JDP2: variants seen among roughly 807,000 people sequenced by gnomAD.
JDP2 encodes the protein Jun dimerization protein 2.
Under a neutral mutation model 17.1 loss-of-function variants are expected in JDP2, and 9 were observed. The ratio of observed to expected loss-of-function variants is 0.53; its 90% confidence interval spans 0.32 to 0.92. The LOEUF (loss-of-function observed/expected upper bound fraction) is 0.92. Ranked by LOEUF, JDP2 falls within the 40% of genes least tolerant of loss-of-function variation. The pLI is 0.04. For synonymous variants in JDP2, 107 were observed against 95.6 expected, an observed-to-expected ratio of 1.12 and a Z score of -0.69; for missense variants, 179 against 220.0, an observed-to-expected ratio of 0.81 and a Z score of 1.18.
intron 2 of JDP2, 98 bp from the exon 3 acceptor site, chr14:75,461,328 G>C (rs754827783): frequency 1.2e-4 from 101 of 870,894 alleles, no homozygotes; most frequent in Non-Finnish European, 1.7e-4. Context: ...CGAGATGTGG[G>C]TTAGAAAGGC....
chr14:75,464,356 AG>A (rs1211635656), intron 3 of JDP2, among the ~76,000 whole-genome samples: 1 of 152,234 alleles, frequency 6.6e-6, no homozygotes, highest in Admixed American at 6.5e-5. Context: ...TTCATAGCCA[AG>A]GGTTCTGCAG....
chr14:75,470,915 T>A lies in JDP2; in HGVS notation c.*1440T>A, dbSNP rs539027731. The A allele has an allele frequency of 6.6e-6, 1 of 152,256 alleles. No individual in the cohort carries two copies. The highest frequency in any genetic ancestry group is 1.5e-5 in the Non-Finnish European group (1 of 68,040). 9.4% of individuals were successfully genotyped at this position (152,256 alleles called of 1,614,324 possible). ...AGACTTATTTTGTGACAAGCAGACA[T>A]AGTCTCTTCCCTTCTCACAAGAGCA... is the stretch of plus-strand genomic sequence containing the variant. On this transcript the variant is annotated 3_prime_UTR_variant, in exon 4 of 4. Transcript: ENST00000651602.
chr14:75,457,948 G>A (rs769267408), intron 2 of JDP2, among the ~76,000 whole-genome samples: 8 of 152,222 alleles, frequency 5.3e-5, no homozygotes, highest in Non-Finnish European at 1.0e-4. Context: ...ATCTAAGCCT[G>A]TAGCATCTCT....
intron 2 of JDP2, chr14:75,445,775 A>G (rs1365137586): frequency 5.1e-6 from 1 of 197,766 alleles, no homozygotes; most frequent in Non-Finnish European, 9.1e-6. Flanking sequence ...CTTAGATTTT[A>G]TGCCAAAAAT....
At chr14:75,457,157 G>A (rs1170260918) in intron 2 of JDP2, among the ~76,000 whole-genome samples, 2 of 152,366 alleles carry the variant, frequency 1.3e-5, no homozygotes, top group African/African-American at 2.4e-5. Context: ...TCTTCCAGCT[G>A]TATCTGCGGA....
At chr14:75,427,093 C>G (rs972086675), upstream of JDP2, 2 of 152,300 alleles carry the variant, frequency 1.3e-5, no homozygotes, top group African/African-American at 4.8e-5. This position sits in a 1 kb window ranked among gnomAD's most constrained non-coding sequence, Gnocchi z 4.4. Flanking sequence ...GTCGCCTTCC[C>G]TCTGGAGTCC....
intron 2 of JDP2, among the ~76,000 whole-genome samples, chr14:75,442,268 C>G (rs1250300408): frequency 2.0e-5 from 3 of 152,094 alleles, no homozygotes; most frequent in Admixed American, 6.5e-5. Context: ...GAAATGTGGA[C>G]TCTCTGGCTT....
At chr14:75,448,409 C>T (rs58523133) in intron 2 of JDP2, among the ~76,000 whole-genome samples, 5,888 of 152,242 alleles carry the variant, frequency 0.039, 239 homozygotes, top group African/African-American at 0.1. Flanking sequence ...ATGCTCTCTG[C>T]ACATGTAGAG....
chr14:75,460,980 C>A (rs529854746), intron 2 of JDP2, among the ~76,000 whole-genome samples: 1 of 152,232 alleles, frequency 6.6e-6, no homozygotes, highest in South Asian at 2.1e-4. Context: ...GCTGCATCAT[C>A]CTAGGGCAGA....
At chr14:75,453,132 G>A (rs1885942658) in intron 2 of JDP2, among the ~76,000 whole-genome samples, 1 of 150,884 alleles carries the variant, frequency 6.6e-6, no homozygotes, top group African/African-American at 2.4e-5. Context: ...GGCAGGCTGA[G>A]ATCTTGTCCC....
chr14:75,449,235 G>C (rs1885743693), intron 2 of JDP2, among the ~76,000 whole-genome samples: 2 of 152,208 alleles, frequency 1.3e-5, no homozygotes, highest in South Asian at 2.1e-4. Context: ...TCACCTTCAT[G>C]ATGAAAGACA....
intron 1 of JDP2, among the ~76,000 whole-genome samples, chr14:75,435,369 A>G (rs1366389266): frequency 2.0e-5 from 3 of 152,154 alleles, no homozygotes; most frequent in Non-Finnish European, 4.4e-5. Context: ...CATGCAGGCT[A>G]CCGTGGAGTT....
intron 1 of JDP2, among the ~76,000 whole-genome samples, chr14:75,436,390 C>A (rs1229188510): frequency 6.6e-6 from 1 of 152,202 alleles, no homozygotes; most frequent in Admixed American, 6.5e-5. Context: ...AAATACATCT[C>A]TCTCCATGGG....
At chr14:75,439,143 G>C (rs141231988) in intron 2 of JDP2, among the ~76,000 whole-genome samples, 1 of 152,164 alleles carries the variant, frequency 6.6e-6, no homozygotes, top group African/African-American at 2.4e-5. Flanking sequence ...GACTTTCTTC[G>C]TGGAGAAGGG....
intron 1 of JDP2, chr14:75,432,033 A>G: frequency 1.9e-6 from 1 of 516,492 alleles, no homozygotes; most frequent in Non-Finnish European, 3.4e-6. Context: ...CACAGCTAGT[A>G]AGAAGGGACA....
intron 3 of JDP2, among the ~76,000 whole-genome samples, chr14:75,462,538 G>A (rs937817442): frequency 2.6e-5 from 4 of 152,180 alleles, no homozygotes; most frequent in Non-Finnish European, 5.9e-5. Flanking sequence ...GTGGGGCTGA[G>A]TAATTTGCCC....
intron 3 of JDP2, among the ~76,000 whole-genome samples, chr14:75,465,159 T>A (rs147983106): frequency 6.6e-6 from 1 of 152,312 alleles, no homozygotes; most frequent in East Asian, 1.9e-4. Flanking sequence ...GAAACTCGTT[T>A]GTGGAAGCAT....
rs1884730349 is a variant in JDP2, at chr14:75,430,150, G to A, written c.-24+1898G>A. 6.6e-6 allele frequency among the ~76,000 whole-genome samples: 1 copy of A among 152,220 alleles called. No individual in the cohort carries two copies. The highest frequency in any genetic ancestry group is 2.4e-5 in the African/African-American group (1 of 41,450). On this transcript the variant is annotated intron_variant, in intron 1 of 3. Transcript: ENST00000651602. The surrounding 1 kb of genome is among the most constrained non-coding windows in gnomAD (Gnocchi z 4.5). ...ATCTCCCTACCTGTTTGTAGGATGT[G>A]TGGGCATTTTTTTCCAACCTGCAGA...
At chr14:75,457,438 A>G (rs1248574292) in intron 2 of JDP2, among the ~76,000 whole-genome samples, 5 of 152,256 alleles carry the variant, frequency 3.3e-5, no homozygotes, top group Admixed American at 1.3e-4. Context: ...GATCTGCCAA[A>G]TGCCTGTCTT....
Sources: gnomAD v4.1 joint callset for allele counts (sites outside exome capture counted in the v4.1 genomes callset) on GRCh38, gnomAD v4.1.1 for gene constraint, Gnocchi (gnomAD v3.1) non-coding constraint, MANE v1.5 for transcripts, NCBI Gene and HGNC (gene_info 2026-07-23, HGNC 2026-07-21) for gene names.